Variants in OPCML observed in about 807,000 individuals in gnomAD.
The protein encoded by OPCML is opioid-binding protein/cell adhesion molecule.
Under a neutral mutation model 37.8 loss-of-function variants are expected in OPCML, and 13 were observed. The ratio of observed to expected loss-of-function variants is 0.34; its 90% CI spans 0.22 to 0.55. The LOEUF (loss-of-function observed/expected upper bound fraction) is 0.55. OPCML is among the 20% of genes least tolerant of loss of function. The pLI, the probability that OPCML is intolerant of heterozygous loss-of-function variation, is 0.91. For missense variants in OPCML, 341 were observed against 435.6 expected, an observed-to-expected ratio of 0.78 and a Z score of 1.93; for synonymous variants, 176 against 168.8, an observed-to-expected ratio of 1.04 and a Z score of -0.33.
chr11:132,637,988 G>T lies in OPCML; in HGVS notation c.379+19099C>A, dbSNP rs558277239. On this transcript the variant is annotated intron_variant, in intron 3 of 7. Transcript: ENST00000524381. ...CACTTCTGTCCTACCCACCTCATGG[G>T]CAATGAAGTTGGAGAAGGACTTAGG... Among the ~76,000 whole-genome samples the T allele has an allele frequency of 2.0e-5, 3 of 152,216 alleles. No individual in the cohort carries two copies. The South Asian group carries it at 6.2e-4, about 32-fold the overall frequency.
chr11:133,070,898 CT>C (rs1199158552), intron 1 of OPCML, among the ~76,000 whole-genome samples: 1 of 152,144 alleles, frequency 6.6e-6, no homozygotes, highest in Non-Finnish European at 1.5e-5. Flanking sequence ...AAATATGTTT[CT>C]GCAAACTTAG....
At chr11:132,606,841 G>C (rs1207106301) in intron 3 of OPCML, among the ~76,000 whole-genome samples, 1 of 152,170 alleles carries the variant, frequency 6.6e-6, no homozygotes, top group African/African-American at 2.4e-5. Context: ...ATAAGTAGAT[G>C]AGCAGTGTCT....
chr11:132,442,966 A>AAAAAC, intron 4 of OPCML, among the ~76,000 whole-genome samples: 1 of 152,338 alleles, frequency 6.6e-6, no homozygotes, highest in South Asian at 2.1e-4. Flanking sequence ...CACAGTATGC[A>AAAAAC]AAAACAAAAC....
At chr11:133,185,449 T>G (rs998337027) in intron 1 of OPCML, among the ~76,000 whole-genome samples, 4 of 152,202 alleles carry the variant, frequency 2.6e-5, no homozygotes. Flanking sequence ...TGCAGCCCAT[T>G]GCAGGGAAGG....
At chr11:133,281,759 A>C (rs2136510036) in intron 1 of OPCML, among the ~76,000 whole-genome samples, 1 of 152,170 alleles carries the variant, frequency 6.6e-6, no homozygotes. Flanking sequence ...TGCCGGTAGA[A>C]ATATGGACAG....
At chr11:132,876,593 G>A (rs527569802) in intron 2 of OPCML, among the ~76,000 whole-genome samples, 3 of 152,196 alleles carry the variant, frequency 2.0e-5, no homozygotes, top group East Asian at 1.9e-4. Context: ...TCCTTTGAAC[G>A]CCAACAAGGA....
chr11:132,539,796 G>A (rs1046260847), intron 3 of OPCML, among the ~76,000 whole-genome samples: 9 of 152,150 alleles, frequency 5.9e-5, no homozygotes, highest in Middle Eastern at 3.4e-3. Context: ...AGTAATGACG[G>A]TAATGATGAT....
intron 1 of OPCML, among the ~76,000 whole-genome samples, chr11:133,262,294 G>A (rs1272380240): frequency 6.6e-6 from 1 of 152,112 alleles, no homozygotes; most frequent in Non-Finnish European, 1.5e-5. Flanking sequence ...AGGATAAATG[G>A]GCGAATGCAT....
intron 2 of OPCML, among the ~76,000 whole-genome samples, chr11:132,804,845 T>C (rs187182259): frequency 3.9e-5 from 6 of 152,298 alleles, no homozygotes; most frequent in Admixed American, 1.3e-4. Context: ...TACTGTATTA[T>C]CTATAATGCC....
chr11:132,695,141 C>A (rs1228826888), intron 2 of OPCML, among the ~76,000 whole-genome samples: 1 of 152,008 alleles, frequency 6.6e-6, no homozygotes, highest in Non-Finnish European at 1.5e-5. Flanking sequence ...GGCACATATG[C>A]AAATTAATTA....
chr11:132,864,683 G>A (rs977217151), intron 2 of OPCML, among the ~76,000 whole-genome samples: 1 of 152,190 alleles, frequency 6.6e-6, no homozygotes, highest in African/African-American at 2.4e-5. Context: ...ATAGGGGAAT[G>A]CACTTCAGAT....
intron 3 of OPCML, among the ~76,000 whole-genome samples, chr11:132,589,545 G>A (rs934223425): frequency 6.6e-6 from 1 of 152,124 alleles, no homozygotes; most frequent in African/African-American, 2.4e-5. Context: ...GTTGCTATTC[G>A]AGACACAAGA....
intron 1 of OPCML, among the ~76,000 whole-genome samples, chr11:133,101,650 A>G (rs1949086603): frequency 6.6e-6 from 1 of 152,212 alleles, no homozygotes; most frequent in Admixed American, 6.5e-5. Context: ...CTATTTTGGA[A>G]GACAGTTTGG....
intron 3 of OPCML, among the ~76,000 whole-genome samples, chr11:132,621,038 C>T (rs1939371942): frequency 6.6e-6 from 1 of 152,210 alleles, no homozygotes; most frequent in Admixed American, 6.5e-5. Context: ...TCTGAGGACC[C>T]ATGTAGGACA....
chr11:133,326,629 G>T (rs374209252), intron 1 of OPCML, among the ~76,000 whole-genome samples: 1 of 132,462 alleles, frequency 7.5e-6, no homozygotes, highest in South Asian at 2.8e-4. Context: ...GTGTGGGTGG[G>T]TGTATGTGGG....
At chr11:133,032,688 A>T (rs1947697011) in intron 1 of OPCML, among the ~76,000 whole-genome samples, 1 of 152,214 alleles carries the variant, frequency 6.6e-6, no homozygotes, top group South Asian at 2.1e-4. Flanking sequence ...CCAATGTAAG[A>T]TACTAATGAA....
In OPCML at chr11:132,421,559, A is replaced by C. The variant is rs116867258; in HGVS notation, c.917-1266T>G. Among the ~76,000 whole-genome samples the C allele has an allele frequency of 2.0e-4, 31 of 152,348 alleles. No individual in the cohort carries two copies. In the East Asian group the frequency reaches 5.2e-3, roughly 26 times the overall value. On this transcript the variant is annotated intron_variant, in intron 7 of 7. Transcript: ENST00000524381. ...GGAAAGTCACGTCTCTCACTTCAGC[A>C]ATGAGTATACAACTGTTCCTCTCCA... is the stretch of plus-strand genomic sequence containing the variant.
At chr11:133,418,515 A>C (rs1794744410) in intron 1 of OPCML, 1 of 964,042 alleles carries the variant, frequency 1.0e-6, no homozygotes, top group Non-Finnish European at 1.2e-6. Context: ...CCTTTGCAAA[A>C]TTATGACAGT....
intron 1 of OPCML, among the ~76,000 whole-genome samples, chr11:133,151,865 C>T (rs917284693): frequency 1.3e-5 from 2 of 152,166 alleles, no homozygotes; most frequent in African/African-American, 4.8e-5. Flanking sequence ...ACCCCAGGCC[C>T]TCAGAAACCA....
Sources: gnomAD v4.1 joint callset for allele counts (sites outside exome capture counted in the v4.1 genomes callset) on GRCh38, gnomAD v4.1.1 for gene constraint, MANE v1.5 for transcripts, NCBI Gene and HGNC (gene_info 2026-07-23, HGNC 2026-07-21) for gene names.